TRIQK: variants seen among roughly 807,000 people sequenced by gnomAD.
TRIQK encodes triple QxxK/R motif-containing protein.
In TRIQK, 10 loss-of-function variants were observed where a neutral mutation model predicts 10.8. The ratio of observed to expected loss-of-function variants is 0.92; its 90% CI spans 0.57 to 1.57. The LOEUF (loss-of-function observed/expected upper bound fraction) is 1.57. Ranked by LOEUF, TRIQK falls within the 40% of genes most tolerant of loss-of-function variation. TRIQK has a pLI of 0.00. For synonymous variants in TRIQK, 33 were observed against 33.7 expected (o/e 0.98, Z 0.07); for missense variants, 107 against 97.7 (o/e 1.09, Z -0.40).
chr8:92,912,903 T>G (rs912825760), intron 3 of TRIQK, among the ~76,000 whole-genome samples: 1 of 151,790 alleles, frequency 6.6e-6, no homozygotes, highest in African/African-American at 2.4e-5. Flanking sequence ...AAAAAATCCT[T>G]CTTAAAGTCT....
At chr8:92,911,905 A>AT (rs961917928) in intron 3 of TRIQK, among the ~76,000 whole-genome samples, 2 of 145,150 alleles carry the variant, frequency 1.4e-5, no homozygotes, top group African/African-American at 5.0e-5. Flanking sequence ...GTGTAGACAT[A>AT]TATATATATA....
At chr8:93,002,344 G>C (rs1250575074) in intron 1 of TRIQK, among the ~76,000 whole-genome samples, 1 of 151,954 alleles carries the variant, frequency 6.6e-6, no homozygotes, top group Non-Finnish European at 1.5e-5. Context: ...TTTTTGAAGT[G>C]ATAAAACTGA....
chr8:92,997,647 GA>G (rs1190957432), intron 1 of TRIQK, among the ~76,000 whole-genome samples: 1 of 152,042 alleles, frequency 6.6e-6, no homozygotes, highest in Admixed American at 6.5e-5. Flanking sequence ...TGAGGACACT[GA>G]AAAAGGCACT....
chr8:93,017,110 G>GGAGAGAGA (rs3062508), intron 1 of TRIQK, among the ~76,000 whole-genome samples: 10 of 93,384 alleles, frequency 1.1e-4, no homozygotes, highest in Non-Finnish European at 2.2e-4. Flanking sequence ...ATATATACTT[G>GGAGAGAGA]GAGAGAGAGA....
chr8:92,930,998 T>C (rs1400185495), intron 2 of TRIQK, among the ~76,000 whole-genome samples: 3 of 152,178 alleles, frequency 2.0e-5, no homozygotes, highest in African/African-American at 7.2e-5. Flanking sequence ...TTTATCATAA[T>C]TCCTCTATAT....
At chr8:92,901,810 A>T (rs150553668) in intron 3 of TRIQK, among the ~76,000 whole-genome samples, 51 of 152,192 alleles carry the variant, frequency 3.4e-4, no homozygotes, top group African/African-American at 1.2e-3. Context: ...AAGTTTGAGT[A>T]AGATTGGTAT....
chr8:93,010,141 G>A (rs1231903010), intron 1 of TRIQK, among the ~76,000 whole-genome samples: 2 of 152,062 alleles, frequency 1.3e-5, no homozygotes, highest in East Asian at 1.9e-4. Flanking sequence ...GAGGAGAGAC[G>A]GGTAAAGGGT....
chr8:92,962,165 T>C (rs1563664548), intron 1 of TRIQK, among the ~76,000 whole-genome samples: 1 of 152,218 alleles, frequency 6.6e-6, no homozygotes, highest in Non-Finnish European at 1.5e-5. Flanking sequence ...CTTATCTGTT[T>C]AATAGGAAAT....
intron 2 of TRIQK, among the ~76,000 whole-genome samples, chr8:92,943,237 T>C (rs1482172078): frequency 2.6e-5 from 4 of 152,148 alleles, no homozygotes; most frequent in African/African-American, 9.7e-5. Flanking sequence ...TGTAAAAATG[T>C]CTGTTTTACT....
In TRIQK at chr8:92,886,494, CAT is replaced by C; in HGVS notation, c.*126_*127del. 1.7e-6 allele frequency: 1 copy of C among 600,782 alleles called. No individual in the cohort carries two copies. The highest frequency in any genetic ancestry group is 2.2e-5 in the South Asian group (1 of 44,890). 37.2% of individuals were successfully genotyped at this position (600,782 alleles called of 1,614,324 possible). On this transcript the variant is annotated 3_prime_UTR_variant, in exon 5 of 5. Coordinates refer to ENST00000521988, the MANE Select transcript of TRIQK (RefSeq NM_001171797.2). The stretch of plus-strand genomic sequence containing the variant: ...GACATCCTATGCAACTATCAAAAAT[CAT>C]ATGTCTGCAAACTGAAAATATTAGC...
At chr8:92,931,356 A>G (rs930953651) in intron 2 of TRIQK, among the ~76,000 whole-genome samples, 3 of 152,170 alleles carry the variant, frequency 2.0e-5, no homozygotes, top group Admixed American at 1.3e-4. Context: ...ACTACTATTA[A>G]TAAGTTTGGG....
At chr8:92,972,945 G>T (rs1847552) in intron 1 of TRIQK, 1 of 152,104 alleles carries the variant, frequency 6.6e-6, no homozygotes, top group East Asian at 1.9e-4. Flanking sequence ...ATAATGAAGC[G>T]TGTGCATGAG....
intron 2 of TRIQK, among the ~76,000 whole-genome samples, chr8:92,922,959 T>C (rs1042065949): frequency 2.3e-4 from 35 of 151,952 alleles, no homozygotes; most frequent in African/African-American, 8.4e-4. Context: ...AATAACGTTT[T>C]ACCAAATGAT....
chr8:92,977,054 A>G (rs1171376923), intron 1 of TRIQK, among the ~76,000 whole-genome samples: 2 of 151,974 alleles, frequency 1.3e-5, no homozygotes, highest in Non-Finnish European at 2.9e-5. Flanking sequence ...ATATTTACCC[A>G]CATATTTACC....
chr8:92,906,907 AAAAAT>A (rs1809296568), intron 3 of TRIQK, among the ~76,000 whole-genome samples: 1 of 151,990 alleles, frequency 6.6e-6, no homozygotes, highest in Admixed American at 6.6e-5. Context: ...AGAAAAAAAA[AAAAAT>A]ACTGGACTTA....
intron 2 of TRIQK, among the ~76,000 whole-genome samples, chr8:92,920,061 CT>C (rs1480238605): frequency 6.6e-6 from 1 of 151,386 alleles, no homozygotes; most frequent in Non-Finnish European, 1.5e-5. Flanking sequence ...TTCTACTTAT[CT>C]TTTCAAAAAA....
In TRIQK at chr8:92,994,484, G is replaced by GA. The variant is rs983447023; in HGVS notation, c.-181+23124dup. 2.0e-5 allele frequency among the ~76,000 whole-genome samples: 3 copies of GA among 151,534 alleles called. No individual in the cohort carries two copies. In the East Asian group the frequency reaches 5.8e-4, roughly 29 times the overall value. On this transcript the variant is annotated intron_variant, in intron 1 of 4. Coordinates refer to the TRIQK transcript ENST00000520686. ...AAGGCTGACAACTGCTGCACTAATA[G>GA]AAAAAATCCAGTCCATTCATATTTA...
intron 1 of TRIQK, among the ~76,000 whole-genome samples, chr8:92,989,997 T>A (rs1214667945): frequency 6.6e-6 from 1 of 152,084 alleles, no homozygotes; most frequent in Non-Finnish European, 1.5e-5. Context: ...GAGTTACTAA[T>A]AAGTGATTTA....
intron 3 of TRIQK, among the ~76,000 whole-genome samples, chr8:92,895,607 T>C (rs1808553058): frequency 6.6e-6 from 1 of 152,198 alleles, no homozygotes; most frequent in South Asian, 2.1e-4. Context: ...GCCATTTTGA[T>C]GAGGTCTCAG....
Sources: gnomAD v4.1 joint callset for allele counts (sites outside exome capture counted in the v4.1 genomes callset) on GRCh38, gnomAD v4.1.1 for gene constraint, MANE v1.5 for transcripts, NCBI Gene and HGNC (gene_info 2026-07-23, HGNC 2026-07-21) for gene names.